The following VPS50 variants were observed in gnomAD, a reference collection of about 807,000 sequenced individuals.
VPS50 encodes syndetin.
Under a neutral mutation model 139.7 loss-of-function variants are expected in VPS50, and 70 were observed. The observed-to-expected ratio is 0.50, with a 90% CI of 0.41 to 0.61. VPS50 has a LOEUF of 0.61. VPS50 is among the 20% of genes least tolerant of loss of function. The pLI, the probability that VPS50 is intolerant of heterozygous loss-of-function variation, is 0.00. For synonymous variants in VPS50, 365 were observed against 376.7 expected (o/e 0.97, Z 0.36); for missense variants, 921 against 1,133.7 (o/e 0.81, Z 2.69).
intron 6 of VPS50, 98 bp from the exon 7 acceptor site, chr7:93,258,061 A>T: frequency 1.6e-6 from 1 of 626,222 alleles, no homozygotes; most frequent in African/African-American, 1.9e-5. Flanking sequence ...TTTAATAGTA[A>T]TCCATTTCAC....
intron 12 of VPS50, among the ~76,000 whole-genome samples, chr7:93,288,575 G>C (rs1203432797): frequency 6.6e-6 from 1 of 152,128 alleles, no homozygotes. Flanking sequence ...CCTTGGGATT[G>C]TACTATTTTG....
chr7:93,333,011 CT>C (rs1481820862), intron 21 of VPS50, among the ~76,000 whole-genome samples: 1 of 152,022 alleles, frequency 6.6e-6, no homozygotes, highest in African/African-American at 2.4e-5. Context: ...GGGGAGGGAA[CT>C]CTATTATGGT....
chr7:93,358,562 G>A lies in VPS50; in HGVS notation c.*126G>A. On this transcript the variant is annotated 3_prime_UTR_variant, in exon 28 of 28. Coordinates refer to ENST00000305866, the MANE Select transcript of VPS50 (RefSeq NM_017667.4). The stretch of plus-strand genomic sequence containing the variant: ...AACTTTGTGCATGTTTTTTTGACTG[G>A]AAAGTGGAAAATATTGAAATGTGTG... 2 of 757,006 alleles carry A rather than the reference G, an allele frequency of 2.6e-6. No homozygotes were observed. Among genetic ancestry groups the A allele is most frequent in the Non-Finnish European group, 4.4e-6 (2 of 455,246 alleles). 46.9% of individuals were successfully genotyped at this position (757,006 alleles called of 1,614,324 possible). A position where few individuals can be genotyped will look rare whatever the true frequency, so the allele number is the denominator to read the frequency against.
intron 2 of VPS50, among the ~76,000 whole-genome samples, chr7:93,245,106 A>G (rs1308384248): frequency 6.6e-6 from 1 of 151,824 alleles, no homozygotes; most frequent in Non-Finnish European, 1.5e-5. Context: ...TAGAGGCACA[A>G]CAGAGTTCAG....
chr7:93,235,998 G>A (rs1008340993), intron 1 of VPS50, among the ~76,000 whole-genome samples: 2 of 152,218 alleles, frequency 1.3e-5, no homozygotes, highest in Non-Finnish European at 2.9e-5. Context: ...AAAGCAGAAT[G>A]AGAACATGCA....
At chr7:93,307,031 ATC>A in intron 18 of VPS50, among the ~76,000 whole-genome samples, 1 of 151,992 alleles carries the variant, frequency 6.6e-6, no homozygotes, top group South Asian at 2.1e-4. Flanking sequence ...GGAATAATAT[ATC>A]TCTCTATAAA....
intron 1 of VPS50, among the ~76,000 whole-genome samples, chr7:93,235,547 G>A (rs997536168): frequency 2.0e-5 from 3 of 152,092 alleles, no homozygotes; most frequent in Non-Finnish European, 2.9e-5. Flanking sequence ...GTTGAAAGAG[G>A]TCAGACTGTG....
rs1797422726 is a variant in VPS50 at position 93,316,183 on chromosome 7, T to C, written c.1855+4911T>C. Among the ~76,000 whole-genome samples, 4 of 152,134 alleles carry C rather than the reference T, an allele frequency of 2.6e-5. No homozygotes were observed. In the South Asian group the frequency reaches 8.3e-4, roughly 31 times the overall value. On this transcript the variant is annotated intron_variant, in intron 20 of 27. Coordinates refer to ENST00000305866, the MANE Select transcript of VPS50 (RefSeq NM_017667.4). ...TGCAAGACATGGTGTATTCAGAGAC[T>C]CCAGTTGTCTAGTTTGCTGGAATGT... is the stretch of plus-strand genomic sequence containing the variant.
Position 93,308,894 on chromosome 7 carries a change from T to C in VPS50, c.1700T>C (p.Leu567Pro), listed in dbSNP as rs756448007. The C allele has an allele frequency of 1.9e-6, 3 of 1,607,590 alleles. No homozygotes were observed. The highest frequency in any genetic ancestry group is 2.6e-6 in the Non-Finnish European group (3 of 1,174,834). The stretch of plus-strand genomic sequence containing the variant: ...AGTGACAGTGATGTTCCTGAGGAAC[T>C]CAAACGAGACTATGTGGATGAGCAG... ...YDSDSDVPEE[L>P]KRDYVDEQTG... The change falls in exon 19 of 28, where the codon CTC (leucine) becomes CCC (proline). Residue 567 changes from leucine to proline, a missense_variant. Physicochemically the swap from Leu to Pro is moderately conservative, Grantham distance 98 (BLOSUM62 -3). Coordinates refer to ENST00000305866, the MANE Select transcript of VPS50 (RefSeq NM_017667.4).
At chr7:93,318,075 T>C (rs990924474) in intron 20 of VPS50, among the ~76,000 whole-genome samples, 1 of 130,022 alleles carries the variant, frequency 7.7e-6, no homozygotes, top group Non-Finnish European at 1.7e-5. Context: ...AATAATGATA[T>C]ATTATATAAT....
At chr7:93,355,671 C>T (rs903395803) in intron 26 of VPS50, among the ~76,000 whole-genome samples, 5 of 152,254 alleles carry the variant, frequency 3.3e-5, no homozygotes, top group Admixed American at 3.3e-4. Context: ...CTCATTGGAT[C>T]TCTTTGCAAA....
At chr7:93,267,559 A>G (rs1322720746) in intron 9 of VPS50, among the ~76,000 whole-genome samples, 1 of 152,224 alleles carries the variant, frequency 6.6e-6, no homozygotes, top group Non-Finnish European at 1.5e-5. Context: ...TGAGTAAGCC[A>G]CAGTGCCTTA....
Position 93,323,700 on chromosome 7 carries a change from G to T in VPS50, c.1945G>T (p.Ala649Ser). 1 of 1,428,222 alleles carries T rather than the reference G, an allele frequency of 7.0e-7. No homozygotes were observed. The highest frequency in any genetic ancestry group is 9.4e-7 in the Non-Finnish European group (1 of 1,060,348). 88.5% of individuals were successfully genotyped at this position (1,428,222 alleles called of 1,614,324 possible). Residue 649 changes from alanine to serine, a missense_variant, in exon 21 of 28, where the codon GCA (alanine) becomes TCA (serine). This residue lies in a region of VPS50 where 744 missense variants were observed against 930.6 expected (regional missense o/e 0.80). Coordinates refer to ENST00000305866, the MANE Select transcript of VPS50 (RefSeq NM_017667.4). ...MSQLFDYYLYAIYTFFGRNDS... is the reference protein window; with the variant it reads ...MSQLFDYYLYSIYTFFGRNDS... Reference sequence around the variant, plus strand: ...TCAACTATTTGATTATTACTTGTATGCAATATATACCTTTTTTGGTCGGAA... The same window carrying T: ...TCAACTATTTGATTATTACTTGTATTCAATATATACCTTTTTTGGTCGGAA...
At chr7:93,233,958 T>A (rs1794720475) in intron 1 of VPS50, among the ~76,000 whole-genome samples, 1 of 152,228 alleles carries the variant, frequency 6.6e-6, no homozygotes, top group African/African-American at 2.4e-5. Flanking sequence ...TTACATTGGC[T>A]ATGTTGATGG....
chr7:93,286,291 T>G (rs1796483267), intron 12 of VPS50, among the ~76,000 whole-genome samples: 1 of 152,210 alleles, frequency 6.6e-6, no homozygotes, highest in Non-Finnish European at 1.5e-5. Flanking sequence ...ATTGCTATTT[T>G]CCATATGTGA....
intron 12 of VPS50, among the ~76,000 whole-genome samples, chr7:93,290,091 A>G (rs767396693): frequency 6.6e-6 from 1 of 152,076 alleles, no homozygotes; most frequent in Non-Finnish European, 1.5e-5. Flanking sequence ...GTTTATTTGT[A>G]TACAAATGCC....
At chr7:93,247,559 G>A (rs1018067493) in intron 2 of VPS50, among the ~76,000 whole-genome samples, 4 of 151,836 alleles carry the variant, frequency 2.6e-5, no homozygotes, top group African/African-American at 9.7e-5. Context: ...TCCATCAGAT[G>A]TGAACCCACC....
chr7:93,315,862 C>A (rs941850246), intron 20 of VPS50, among the ~76,000 whole-genome samples: 3 of 145,786 alleles, frequency 2.1e-5, no homozygotes, highest in Non-Finnish European at 4.5e-5. Flanking sequence ...TGAGTCACTA[C>A]TTTGTTTCTG....
At position 93,359,973 on chromosome 7, in the gene VPS50, G is replaced by A. The variant is rs922274031; in HGVS notation, c.*1537G>A. 3 of 152,052 alleles carry A rather than the reference G, an allele frequency of 2.0e-5. No homozygotes were observed. Among genetic ancestry groups the A allele is most frequent in the African/African-American group, 7.2e-5 (3 of 41,408 alleles). 9.4% of individuals were successfully genotyped at this position (152,052 alleles called of 1,614,324 possible). On this transcript the variant is annotated 3_prime_UTR_variant, in exon 28 of 28. Transcript: ENST00000305866. ...ATGAGTTTGGTGCCATTATGATTTG[G>A]TTGTGGCTAGATTATATACTTGTGA...
Sources: gnomAD v4.1 joint callset for allele counts (sites outside exome capture counted in the v4.1 genomes callset) on GRCh38, gnomAD v4.1.1 for gene constraint, gnomAD v4.1.1 regional missense constraint, MANE v1.5 for transcripts, NCBI Gene and HGNC (gene_info 2026-07-23, HGNC 2026-07-21) for gene names.